The following NALCN variants were observed in gnomAD, a reference collection of about 807,000 sequenced individuals.
The protein encoded by NALCN is sodium leak channel, non-selective.
Under a neutral mutation model 225.3 loss-of-function variants are expected in NALCN, and 111 were observed. That is an observed-to-expected ratio of 0.49 (90% CI 0.42 to 0.58). NALCN has a LOEUF of 0.58. Ranked by LOEUF, NALCN falls within the 20% of genes least tolerant of loss-of-function variation. NALCN has a pLI of 0.00. For missense variants in NALCN, 1,378 were observed against 2,202.4 expected (o/e 0.63, Z 7.49); for synonymous variants, 764 against 769.0 (o/e 0.99, Z 0.11).
At position 101,166,297 on chromosome 13, in the gene NALCN, T is replaced by C. The variant is rs181814054; in HGVS notation, c.1839+10003A>G. ...TATTTTATCATATGATCATGCTACTTTTAATTTTTTGAGGAACTGCCATAC... is the reference window on the plus strand; with the variant it reads ...TATTTTATCATATGATCATGCTACTCTTAATTTTTTGAGGAACTGCCATAC... On this transcript the variant is annotated intron_variant, in intron 15 of 43. Coordinates refer to ENST00000251127, the MANE Select transcript of NALCN (RefSeq NM_052867.4). 9.2e-5 allele frequency among the ~76,000 whole-genome samples: 14 copies of C among 152,334 alleles called. No individual in the cohort carries two copies. The East Asian group carries it at 2.7e-3, about 29-fold the overall frequency.
At position 101,075,931 on chromosome 13, in the gene NALCN, G is replaced by T; in HGVS notation, c.3896C>A (p.Thr1299Asn). ...AATCACACAAGCGCCCATCATGTAAGTATATGCATTCTGAAATTTAAACAG... is the reference window on the plus strand; with the variant it reads ...AATCACACAAGCGCCCATCATGTAATTATATGCATTCTGAAATTTAAACAG... Reference protein sequence around the residue: ...VLHFALLNAYTYMMGACVIVF... With the variant: ...VLHFALLNAYNYMMGACVIVF... The change falls in exon 35 of 44, where the codon ACT becomes AAT. Residue 1299 changes from threonine (T) to asparagine (N), a missense_variant. Transcript: ENST00000251127. 1 of 1,608,080 alleles carries T rather than the reference G, an allele frequency of 6.2e-7. No individual in the cohort carries two copies. The highest frequency in any genetic ancestry group is 1.1e-5 in the South Asian group (1 of 89,408).
chr13:101,385,971 A>AC (rs2046975836), intron 3 of NALCN, among the ~76,000 whole-genome samples: 1 of 151,220 alleles, frequency 6.6e-6, no homozygotes, highest in Non-Finnish European at 1.5e-5. Flanking sequence ...AAGTGATGCC[A>AC]TTTTTTTTTA....
At chr13:101,327,348 T>G (rs1168450429) in intron 7 of NALCN, among the ~76,000 whole-genome samples, 1 of 151,838 alleles carries the variant, frequency 6.6e-6, no homozygotes, top group Non-Finnish European at 1.5e-5. Flanking sequence ...TCTCCTTCTC[T>G]GGCTCATTTT....
At chr13:101,344,785 G>A (rs993645294) in intron 7 of NALCN, among the ~76,000 whole-genome samples, 16 of 152,234 alleles carry the variant, frequency 1.1e-4, no homozygotes, top group Admixed American at 2.6e-4. Context: ...CTTAGTTGAT[G>A]CATATTCACT....
chr13:101,095,630 T>C lies in NALCN; in HGVS notation c.3213A>G (p.Leu1071=), dbSNP rs201657987. 26 of 1,613,620 alleles carry C rather than the reference T, an allele frequency of 1.6e-5. No homozygotes were observed. The East Asian group carries it at 5.8e-4, about 36-fold the overall frequency. Residue 1071 remains leucine (L), a synonymous_variant, in exon 28 of 44, where the codon TTA becomes TTG. Coordinates refer to ENST00000251127, the MANE Select transcript of NALCN (RefSeq NM_052867.4). ...FRINVSVSKN[L]NLKLRPGEKK... The stretch of plus-strand genomic sequence containing the variant: ...TCTCTCCAGGCCTCAATTTTAAATT[T>C]AAGTTCTTTGACACACTGACATTAA...
At chr13:101,193,686 T>C (rs552540270) in intron 13 of NALCN, among the ~76,000 whole-genome samples, 83 of 152,258 alleles carry the variant, frequency 5.5e-4, no homozygotes, top group Middle Eastern at 3.4e-3. Context: ...TCTGCAAAAA[T>C]TATTCCTTCT....
Position 101,399,076 on chromosome 13 carries a change from G to T in NALCN, c.51C>A (p.Asp17Glu). The T allele has an allele frequency of 6.2e-7, 1 of 1,613,632 alleles. No individual in the cohort carries two copies. The highest frequency in any genetic ancestry group is 8.5e-7 in the Non-Finnish European group (1 of 1,179,658). The change falls in exon 2 of 44, where the codon GAC (aspartate) becomes GAA (glutamate). Residue 17 changes from aspartate to glutamate, a missense_variant. Physicochemically the swap from Asp to Glu is conservative, Grantham distance 45 (BLOSUM62 2). Around this residue, in one of 19 missense-constraint regions of NALCN, gnomAD observed 146 missense variants for 205.9 expected, o/e 0.71. Transcript: ENST00000251127. ...SSRVEAQPVT[D>E]FGPDESLSDN... ...CCGACAGAGACTCATCAGGACCAAA[G>T]TCAGTGACTGGCTGGGCTTCCACCC...
intron 3 of NALCN, among the ~76,000 whole-genome samples, chr13:101,392,729 T>G (rs372246752): frequency 3.9e-5 from 6 of 152,200 alleles, no homozygotes; most frequent in African/African-American, 1.2e-4. Context: ...AAATCTTTCT[T>G]TATTTGAATA....
chr13:101,283,807 C>A, intron 10 of NALCN, 126 bp downstream of exon 10: 2 of 718,700 alleles, frequency 2.8e-6, no homozygotes, highest in Non-Finnish European at 4.2e-6. Flanking sequence ...GAGTGAAATA[C>A]CATCTCTAAC....
At chr13:101,221,211 C>T (rs2040924476) in intron 13 of NALCN, among the ~76,000 whole-genome samples, 1 of 151,986 alleles carries the variant, frequency 6.6e-6, no homozygotes, top group Non-Finnish European at 1.5e-5. Context: ...CTCTGACTCC[C>T]TGGTTCAAAT....
chr13:101,193,465 C>T (rs1353471377), intron 13 of NALCN, among the ~76,000 whole-genome samples: 4 of 152,126 alleles, frequency 2.6e-5, no homozygotes, highest in East Asian at 1.9e-4. Context: ...AAATGAACCA[C>T]GAACTAGAAG....
intron 40 of NALCN, among the ~76,000 whole-genome samples, chr13:101,063,107 G>C (rs544411470): frequency 1.3e-5 from 2 of 152,178 alleles, no homozygotes; most frequent in Admixed American, 6.5e-5. Flanking sequence ...GCAGTGTGAT[G>C]CACCCAGGTG....
In NALCN at chr13:101,315,526, CTAAG is replaced by C. The variant is rs1340968593; in HGVS notation, c.800-23164_800-23161del. 8.5e-5 allele frequency among the ~76,000 whole-genome samples: 13 copies of C among 152,164 alleles called. 1 individual carries two copies. Among genetic ancestry groups the C allele is most frequent in the African/African-American group, 3.1e-4 (13 of 41,512 alleles). ...AGCTGACTGCACAAGCTTATCTATA[CTAAG>C]TTTCTATGTAGAAATTAAGGGAGAA... On this transcript the variant is annotated intron_variant, in intron 7 of 43. Coordinates refer to ENST00000251127, the MANE Select transcript of NALCN (RefSeq NM_052867.4).
intron 10 of NALCN, among the ~76,000 whole-genome samples, chr13:101,274,875 T>C (rs896273885): frequency 1.3e-5 from 2 of 152,132 alleles, no homozygotes; most frequent in African/African-American, 4.8e-5. Context: ...TGCAGTCAAG[T>C]CTCACCACTT....
chr13:101,067,701 G>A (rs2032537882), intron 39 of NALCN, among the ~76,000 whole-genome samples: 1 of 152,172 alleles, frequency 6.6e-6, no homozygotes, highest in Non-Finnish European at 1.5e-5. Context: ...CGGAAAGTCT[G>A]AAGAAGAGGA....
intron 7 of NALCN, among the ~76,000 whole-genome samples, chr13:101,336,657 T>G (rs1013261872): frequency 1.3e-5 from 2 of 152,190 alleles, no homozygotes; most frequent in Non-Finnish European, 2.9e-5. Context: ...AGCTTTATAA[T>G]TTTTTCGTAA....
rs536482280 is a variant in NALCN at position 101,163,216 on chromosome 13, A to ATATT, written c.1839+13083_1839+13084insAATA. ...CCATGCCTGGCCTATATATATATAT[A>ATATT]TTTTAATTGAAGGGTTACCTTGCAG... On this transcript the variant is annotated intron_variant, in intron 15 of 43. Transcript: ENST00000251127. 2.7e-3 allele frequency among the ~76,000 whole-genome samples: 412 copies of ATATT among 152,118 alleles called. 4 individuals carry two copies. Among genetic ancestry groups the ATATT allele is most frequent in the Non-Finnish European group, 8.2e-4 (56 of 67,986 alleles).
At chr13:101,270,796 C>G (rs577979942) in intron 10 of NALCN, among the ~76,000 whole-genome samples, 4 of 152,180 alleles carry the variant, frequency 2.6e-5, no homozygotes, top group Non-Finnish European at 5.9e-5. Context: ...ACAGCACTTT[C>G]AAACCCTGGG....
intron 11 of NALCN, among the ~76,000 whole-genome samples, chr13:101,241,774 A>C (rs17678781): frequency 0.51 from 73,599 of 145,084 alleles, 19,419 homozygotes; most frequent in Non-Finnish European, 0.53. Flanking sequence ...CCAGGGGTCA[A>C]GGTCCAGAAT....
Sources: gnomAD v4.1 joint callset for allele counts (sites outside exome capture counted in the v4.1 genomes callset) on GRCh38, gnomAD v4.1.1 for gene constraint, gnomAD v4.1.1 regional missense constraint, MANE v1.5 for transcripts, NCBI Gene and HGNC (gene_info 2026-07-23, HGNC 2026-07-21) for gene names.